RBL1: variants seen among roughly 807,000 people sequenced by gnomAD.
RBL1 encodes RB transcriptional corepressor like 1, also known as retinoblastoma-like protein 1.
RBL1 carries 82 observed loss-of-function variants against 123.0 expected under a neutral mutation model. The observed-to-expected ratio is 0.67, with a 90% CI of 0.56 to 0.80. The LOEUF (loss-of-function observed/expected upper bound fraction) is 0.80. Among genes scored for constraint, RBL1 ranks in the 30% least tolerant of loss-of-function variants. The pLI is 0.00. For synonymous variants in RBL1, 405 were observed against 441.3 expected (o/e 0.92, Z 1.03); for missense variants, 1,171 against 1,299.6 (o/e 0.90, Z 1.52).
At chr20:37,012,273 G>A (rs1200290465) in intron 19 of RBL1, among the ~76,000 whole-genome samples, 1 of 152,086 alleles carries the variant, frequency 6.6e-6, no homozygotes, top group African/African-American at 2.4e-5. Flanking sequence ...TGCAGCCTCT[G>A]CCCGGCCGCC....
chr20:36,998,882 G>C lies in RBL1; in HGVS notation c.3084C>G (p.Thr1028=), dbSNP rs1345899508. The C allele has an allele frequency of 6.2e-7, 1 of 1,613,408 alleles. No homozygotes were observed. Among genetic ancestry groups the C allele is most frequent in the African/African-American group, 1.3e-5 (1 of 74,898 alleles). Residue 1028 remains threonine (T), a synonymous_variant, in exon 22 of 22, where the codon ACC becomes ACG. Transcript: ENST00000373664. ...TATCGATGGCTATTACTCGCTTCTT[G>C]GTTCTCTGCTCACCTTGCCTTATCA... ...NNMIRQGEQR[T]KKRVIAIDSD...
In RBL1 at chr20:37,067,088, T is replaced by G. The variant is rs375178823; in HGVS notation, c.590A>C (p.Asn197Thr). 1 of 1,600,274 alleles carries G rather than the reference T, an allele frequency of 6.2e-7. No homozygotes were observed. The highest frequency in any genetic ancestry group is 1.4e-5 in the African/African-American group (1 of 73,356). The part of the protein sequence containing the change: ...NFRMIGDDLV[N>T]SYHLLLCCLD... ...GCAGCATAGAAGTAAATGATAAGAG[T>G]TTACTAAGTCATCCCCAATCATCCG... The change falls in exon 5 of 22, where the codon AAC becomes ACC. Residue 197 changes from asparagine (N) to threonine (T), a missense_variant. Coordinates refer to ENST00000373664, the MANE Select transcript of RBL1 (RefSeq NM_002895.5).
At chr20:36,999,423 C>G (rs1314119853) in intron 21 of RBL1, among the ~76,000 whole-genome samples, 1 of 148,746 alleles carries the variant, frequency 6.7e-6, no homozygotes. Context: ...ATAAGCTTCC[C>G]GTCTCCCTCC....
At chr20:37,030,718 G>A (rs1796213682) in intron 16 of RBL1, among the ~76,000 whole-genome samples, 1 of 152,092 alleles carries the variant, frequency 6.6e-6, no homozygotes, top group African/African-American at 2.4e-5. Flanking sequence ...AGCCAGGCGT[G>A]GTGGCATATT....
intron 19 of RBL1, among the ~76,000 whole-genome samples, chr20:37,010,832 T>C (rs547954511): frequency 1.3e-5 from 2 of 152,312 alleles, no homozygotes; most frequent in African/African-American, 4.8e-5. Flanking sequence ...TTTTTATTTT[T>C]AGAGACAAGA....
At chr20:37,035,148 A>G in intron 15 of RBL1, 94 bp downstream of exon 15, 3 of 1,253,726 alleles carry the variant, frequency 2.4e-6, no homozygotes, top group Non-Finnish European at 3.3e-6. Context: ...AAGAAAAAAT[A>G]ATGAGTTAGA....
At chr20:37,053,771 A>C (rs2064958607) in intron 11 of RBL1, among the ~76,000 whole-genome samples, 1 of 152,190 alleles carries the variant, frequency 6.6e-6, no homozygotes. Context: ...TGACAAGGTT[A>C]AATGTGAGGA....
intron 7 of RBL1, among the ~76,000 whole-genome samples, chr20:37,063,208 GC>G (rs2065123691): frequency 6.6e-6 from 1 of 152,172 alleles, no homozygotes; most frequent in Non-Finnish European, 1.5e-5. Flanking sequence ...CTCCTGAGTA[GC>G]CGGGACTACA....
At chr20:37,063,261 A>G (rs1358604818) in intron 7 of RBL1, among the ~76,000 whole-genome samples, 6 of 151,932 alleles carry the variant, frequency 3.9e-5, no homozygotes, top group Non-Finnish European at 5.9e-5. Flanking sequence ...TACTTTCAGT[A>G]GAGACGGGGT....
Position 36,998,635 on chromosome 20 carries a change from G to A in RBL1, c.*124C>T. On this transcript the variant is annotated 3_prime_UTR_variant, in exon 22 of 22. Transcript: ENST00000373664. ...ATATTTTAAAAAGCACATAATTTTT[G>A]TGCAATTTTTTCTTATAACCCAGTG... 1.3e-6 allele frequency: 1 copy of A among 797,522 alleles called. No individual in the cohort carries two copies. The highest frequency in any genetic ancestry group is 1.9e-6 in the Non-Finnish European group (1 of 534,248). The allele number at this position is 797,522 out of a possible 1,614,324, so 49.4% of individuals were successfully genotyped here. A position where few individuals can be genotyped will look rare whatever the true frequency, so the allele number is the denominator to read the frequency against.
intron 2 of RBL1, among the ~76,000 whole-genome samples, chr20:37,080,563 A>G (rs1289327714): frequency 6.7e-6 from 1 of 149,342 alleles, no homozygotes; most frequent in African/African-American, 2.5e-5. Context: ...GGTTCAGGTG[A>G]TTCTCGTTTC....
rs2064555632 is a variant in RBL1 at position 37,033,762 on chromosome 20, C to T, written c.2171-886G>A. Among the ~76,000 whole-genome samples, 5 of 150,870 alleles carry T rather than the reference C, an allele frequency of 3.3e-5. No individual in the cohort carries two copies. In the South Asian group the frequency reaches 1.1e-3, roughly 32 times the overall value. On this transcript the variant is annotated intron_variant, in intron 15 of 21. Coordinates refer to ENST00000373664, the MANE Select transcript of RBL1 (RefSeq NM_002895.5). ...GAATAGTTGGGACTACAGGCATGCG[C>T]CACCACACCCGGCTAATGTTTTTTC...
chr20:37,032,474 A>T (rs566628753), intron 16 of RBL1, among the ~76,000 whole-genome samples, 191 bp downstream of exon 16: 2 of 152,314 alleles, frequency 1.3e-5, no homozygotes, highest in East Asian at 3.9e-4. Context: ...CTGGAGATAG[A>T]CGGTAGTAAT....
intron 6 of RBL1, 133 bp downstream of exon 6, chr20:37,066,591 C>T: frequency 1.3e-6 from 1 of 763,086 alleles, no homozygotes; most frequent in Non-Finnish European, 2.1e-6. Flanking sequence ...AATTCTGAAT[C>T]ACAGTAGAGG....
chr20:37,035,208 G>GAAAAAGTAC (rs1422771936), intron 15 of RBL1, 34 bp downstream of exon 15: 8 of 1,551,522 alleles, frequency 5.2e-6, no homozygotes, highest in Non-Finnish European at 7.0e-6. Context: ...TTTTATCTCA[G>GAAAAAGTAC]AAAAAGTACA....
At position 37,004,070 on chromosome 20, in the gene RBL1, C is replaced by CT. The variant is rs769240103; in HGVS notation, c.2872-205dup. On this transcript the variant is annotated intron_variant, in intron 20 of 21. Coordinates refer to ENST00000373664, the MANE Select transcript of RBL1 (RefSeq NM_002895.5). ...TAAACTAGAATTTATTTTCCTGAAT[C>CT]TTTTTTTTTTTTTGAGATGGAGTAT... 5.8e-3 allele frequency among the ~76,000 whole-genome samples: 789 copies of CT among 136,460 alleles called. 7 individuals are homozygous for CT. Among genetic ancestry groups the CT allele is most frequent in the African/African-American group, 0.015 (560 of 37,416 alleles). 89.5% of individuals were successfully genotyped at this position (136,460 alleles called of 152,430 possible). A position where few individuals can be genotyped will look rare whatever the true frequency, so the allele number is the denominator to read the frequency against.
intron 9 of RBL1, among the ~76,000 whole-genome samples, chr20:37,057,004 T>TCTACCTAC (rs58869678): frequency 0.094 from 13,924 of 147,492 alleles, 766 homozygotes; most frequent in Admixed American, 0.14. Context: ...TATCTATCTA[T>TCTACCTAC]CTACCTACCT....
At chr20:37,035,533 A>G in intron 14 of RBL1, 25 bp from the exon 15 acceptor site, 1 of 1,488,362 alleles carries the variant, frequency 6.7e-7, no homozygotes, top group African/African-American at 1.4e-5. Context: ...TAAATTTAAA[A>G]CAGAAATGTA....
Position 37,056,254 on chromosome 20 carries a change from A to T in RBL1, c.1255T>A (p.Cys419Ser), listed in dbSNP as rs745646400. ...SDQLINIFES[C>S]VRNPVENIMK... ...ATGTTTTCCACAGGATTACGCACAC[A>T]AGATCTACAAAATACAAGAGGAACC... The change falls in exon 10 of 22, where the codon TGT (cysteine) becomes AGT (serine). Residue 419 changes from cysteine (C) to serine (S), a missense_variant. Transcript: ENST00000373664. 6.3e-7 allele frequency: 1 copy of T among 1,599,964 alleles called. No individual in the cohort carries two copies. Among genetic ancestry groups the T allele is most frequent in the Non-Finnish European group, 8.5e-7 (1 of 1,176,834 alleles).
Sources: gnomAD v4.1 joint callset for allele counts (sites outside exome capture counted in the v4.1 genomes callset) on GRCh38, gnomAD v4.1.1 for gene constraint, MANE v1.5 for transcripts, NCBI Gene and HGNC (gene_info 2026-07-23, HGNC 2026-07-21) for gene names.